RHAG: variants seen among roughly 807,000 people sequenced by gnomAD.
The protein encoded by RHAG is ammonium transporter Rh type A.
RHAG carries 25 observed loss-of-function variants against 42.4 expected under a neutral mutation model. That is an observed-to-expected ratio of 0.59 (90% CI 0.43 to 0.82). RHAG has a LOEUF of 0.82. Among genes scored for constraint, RHAG ranks in the 40% least tolerant of loss-of-function variants. The pLI, the probability that RHAG is intolerant of heterozygous loss-of-function variation, is 0.00. For missense variants in RHAG, 483 were observed against 504.6 expected, an observed-to-expected ratio of 0.96 and a Z score of 0.41; for synonymous variants, 182 against 177.7, an observed-to-expected ratio of 1.02 and a Z score of -0.19.
At chr6:49,630,497 AC>A (rs932759023) in intron 1 of RHAG, among the ~76,000 whole-genome samples, 1 of 152,082 alleles carries the variant, frequency 6.6e-6, no homozygotes, top group Non-Finnish European at 1.5e-5. Flanking sequence ...TATACATATA[AC>A]TTTTTGGCAA....
rs981204772 is a variant in RHAG, at chr6:49,614,333, C to T, written c.807+354G>A. Among the ~76,000 whole-genome samples the T allele has an allele frequency of 5.3e-5, 8 of 151,926 alleles. No homozygotes were observed. The South Asian group carries it at 1.3e-3, about 24-fold the overall frequency. ...TCAGCCTCCCGAGTAGCTGGGATGA[C>T]AGGTGTCTGCCTCCACGCCTGGCTA... is the stretch of plus-strand genomic sequence containing the variant. On this transcript the variant is annotated intron_variant, in intron 5 of 9. Coordinates refer to ENST00000371175, the MANE Select transcript of RHAG (RefSeq NM_000324.3).
chr6:49,605,979 A>C, intron 9 of RHAG, 149 bp from the exon 10 acceptor site: 1 of 725,420 alleles, frequency 1.4e-6, no homozygotes, highest in Non-Finnish European at 2.5e-6. Context: ...GAAAAATAAA[A>C]GAATAAAACA....
chr6:49,623,868 T>C (rs886846297), intron 1 of RHAG, among the ~76,000 whole-genome samples: 8 of 152,140 alleles, frequency 5.3e-5, no homozygotes, highest in Admixed American at 4.6e-4. Flanking sequence ...AAACAGAAAA[T>C]GCTGGCTTGA....
intron 2 of RHAG, 140 bp from the exon 3 acceptor site, chr6:49,618,358 T>G (rs1762690240): frequency 1.2e-6 from 1 of 828,266 alleles, no homozygotes; most frequent in Admixed American, 2.0e-5. Flanking sequence ...TCCTCCTCTT[T>G]TTGACCAGAC....
intron 2 of RHAG, among the ~76,000 whole-genome samples, chr6:49,618,584 T>C (rs1440540428): frequency 6.6e-6 from 1 of 152,196 alleles, no homozygotes; most frequent in Non-Finnish European, 1.5e-5. Context: ...ATAATACTTT[T>C]ATGGAAGAGG....
At position 49,605,924 on chromosome 6, in the gene RHAG, A is replaced by T. The variant is rs964034349; in HGVS notation, c.1213-94T>A. ...AACAAAAATATTTTTGGTAATTATTATTCAAGCTTGGAAAGAACTGGGAAT... is the reference window on the plus strand; with the variant it reads ...AACAAAAATATTTTTGGTAATTATTTTTCAAGCTTGGAAAGAACTGGGAAT... On this transcript the variant is annotated intron_variant, in intron 9 of 9. Coordinates refer to ENST00000371175, the MANE Select transcript of RHAG (RefSeq NM_000324.3). 7.5e-6 allele frequency: 8 copies of T among 1,060,614 alleles called. No homozygotes were observed. The African/African-American group carries it at 9.3e-5, about 12-fold the overall frequency. 65.7% of individuals were successfully genotyped at this position (1,060,614 alleles called of 1,614,324 possible).
intron 2 of RHAG, 66 bp from the exon 3 acceptor site, chr6:49,618,284 T>C: frequency 6.4e-7 from 1 of 1,557,950 alleles, no homozygotes; most frequent in South Asian, 1.1e-5. Flanking sequence ...CAAAGTGCAA[T>C]CCCATCTCCC....
intron 1 of RHAG, among the ~76,000 whole-genome samples, chr6:49,627,554 C>T (rs755917948): frequency 2.0e-5 from 3 of 152,160 alleles, no homozygotes; most frequent in Admixed American, 6.5e-5. Context: ...TTCACATTTT[C>T]GGGTATCTTT....
At chr6:49,612,262 TC>T in intron 6 of RHAG, 134 bp downstream of exon 6, 1 of 940,142 alleles carries the variant, frequency 1.1e-6, no homozygotes, top group South Asian at 1.5e-5. Context: ...GAGTGGTATT[TC>T]CAAAAAGAAG....
chr6:49,635,090 T>C (rs1000668466), intron 1 of RHAG, among the ~76,000 whole-genome samples: 1 of 150,780 alleles, frequency 6.6e-6, no homozygotes, highest in Admixed American at 6.7e-5. Flanking sequence ...TTAACTATCA[T>C]CATTATGTTG....
At chr6:49,619,046 A>G (rs761591944) in intron 2 of RHAG, 133 bp downstream of exon 2, 16 of 973,658 alleles carry the variant, frequency 1.6e-5, no homozygotes, top group Non-Finnish European at 2.6e-5. Flanking sequence ...GATCCCATTC[A>G]TAAACACTCT....
chr6:49,610,492 T>G (rs1468469669), intron 7 of RHAG, among the ~76,000 whole-genome samples: 1 of 152,218 alleles, frequency 6.6e-6, no homozygotes, highest in Non-Finnish European at 1.5e-5. Flanking sequence ...TACTCCAATC[T>G]TCTTATTTTA....
In RHAG at chr6:49,605,929, A is replaced by G. The variant is rs1300409534; in HGVS notation, c.1213-99T>C. 1.7e-5 allele frequency: 17 copies of G among 1,005,420 alleles called. No homozygotes were observed. The East Asian group carries it at 2.9e-4, about 17-fold the overall frequency. 62.3% of individuals were successfully genotyped at this position (1,005,420 alleles called of 1,614,324 possible). ...AAATATTTTTGGTAATTATTATTCA[A>G]GCTTGGAAAGAACTGGGAATAAAAA... On this transcript the variant is annotated intron_variant, in intron 9 of 9. Transcript: ENST00000371175.
intron 6 of RHAG, among the ~76,000 whole-genome samples, chr6:49,611,632 A>G (rs536844254): frequency 3.9e-5 from 6 of 152,150 alleles, no homozygotes; most frequent in Non-Finnish European, 7.3e-5. Flanking sequence ...AAGGATTTGA[A>G]TATATAGTTG....
chr6:49,605,613 A>G lies in RHAG; in HGVS notation c.*200T>C. ...TCATTGAAGAGCAAGAGACAGCATC[A>G]GACATAAGGACATTTTTACACTGGC... On this transcript the variant is annotated 3_prime_UTR_variant, in exon 10 of 10. Coordinates refer to ENST00000371175, the MANE Select transcript of RHAG (RefSeq NM_000324.3). 1 of 673,714 alleles carries G rather than the reference A, an allele frequency of 1.5e-6. No individual in the cohort carries two copies. Among genetic ancestry groups the G allele is most frequent in the Non-Finnish European group, 2.8e-6 (1 of 362,424 alleles). The allele number at this position is 673,714 out of a possible 1,614,324, so 41.7% of individuals were successfully genotyped here. A position where few individuals can be genotyped will look rare whatever the true frequency, so the allele number is the denominator to read the frequency against.
intron 1 of RHAG, among the ~76,000 whole-genome samples, chr6:49,627,397 A>G (rs1463248312): frequency 6.6e-6 from 1 of 152,140 alleles, no homozygotes; most frequent in African/African-American, 2.4e-5. Context: ...CCAGTTTCCA[A>G]CAAGTTCCCC....
chr6:49,616,354 C>CAAAA (rs34416373), intron 3 of RHAG, among the ~76,000 whole-genome samples: 14 of 108,744 alleles, frequency 1.3e-4, no homozygotes, highest in African/African-American at 2.0e-4. Context: ...AATCTCAAAC[C>CAAAA]AAAAAAAAAA....
At chr6:49,606,967 G>T in intron 8 of RHAG, 46 bp from the exon 9 acceptor site, 1 of 1,412,692 alleles carries the variant, frequency 7.1e-7, no homozygotes, top group Non-Finnish European at 1.0e-6. Context: ...CGCTGAAGAG[G>T]AAAATCTACT....
intron 8 of RHAG, 79 bp from the exon 9 acceptor site, chr6:49,607,000 T>C: frequency 8.3e-7 from 1 of 1,206,646 alleles, no homozygotes; most frequent in Non-Finnish European, 1.2e-6. Context: ...TATATACTAT[T>C]ATAAAATCAT....
Sources: gnomAD v4.1 joint callset for allele counts (sites outside exome capture counted in the v4.1 genomes callset) on GRCh38, gnomAD v4.1.1 for gene constraint, MANE v1.5 for transcripts, NCBI Gene and HGNC (gene_info 2026-07-23, HGNC 2026-07-21) for gene names.